Variants in CD2AP observed in about 807,000 individuals in gnomAD.
CD2AP encodes the protein CD2-associated protein.
CD2AP carries 46 observed loss-of-function variants against 85.1 expected under a neutral mutation model. The ratio of observed to expected loss-of-function variants is 0.54; its 90% CI spans 0.43 to 0.69. The LOEUF is 0.69. Among genes scored for constraint, CD2AP ranks in the 30% least tolerant of loss-of-function variants. CD2AP has a pLI of 0.00. For missense variants in CD2AP, 769 were observed against 729.5 expected, an observed-to-expected ratio of 1.05 and a Z score of -0.62; for synonymous variants, 255 against 252.9, an observed-to-expected ratio of 1.01 and a Z score of -0.08.
intron 2 of CD2AP, among the ~76,000 whole-genome samples, chr6:47,522,151 G>A (rs991681694): frequency 6.6e-5 from 10 of 152,206 alleles, no homozygotes; most frequent in African/African-American, 2.2e-4. Flanking sequence ...GGAGGCTGGG[G>A]AGGAGCAGGT....
intron 12 of CD2AP, among the ~76,000 whole-genome samples, chr6:47,597,243 AAGC>A (rs1445404893): frequency 1.3e-5 from 2 of 150,874 alleles, no homozygotes; most frequent in African/African-American, 4.8e-5. Context: ...ATCATGGAGA[AAGC>A]AGCAGACGAA....
intron 17 of CD2AP, among the ~76,000 whole-genome samples, chr6:47,615,867 C>T (rs1769569682): frequency 6.7e-6 from 1 of 150,320 alleles, no homozygotes; most frequent in Admixed American, 6.7e-5. Flanking sequence ...GCAAGCTCCA[C>T]CTCCTGAGTT....
chr6:47,586,780 G>T, intron 11 of CD2AP, among the ~76,000 whole-genome samples: 1 of 152,196 alleles, frequency 6.6e-6, no homozygotes, highest in Non-Finnish European at 1.5e-5. Context: ...AATAGATATA[G>T]AAGACATTTT....
At chr6:47,589,379 T>TATACACACACACACACACAAAC (rs144886557) in intron 11 of CD2AP, among the ~76,000 whole-genome samples, 1 of 139,386 alleles carries the variant, frequency 7.2e-6, no homozygotes, top group Non-Finnish European at 1.6e-5. Context: ...CTCTTGAATA[T>TATACACACACACACACACAAAC]ACACACACAC....
intron 5 of CD2AP, among the ~76,000 whole-genome samples, chr6:47,565,615 T>A (rs945353693): frequency 6.6e-6 from 1 of 152,118 alleles, no homozygotes; most frequent in Non-Finnish European, 1.5e-5. Context: ...CCATCTGAGT[T>A]AAGGAGAAAT....
At position 47,522,961 on chromosome 6, in the gene CD2AP, C is replaced by A. The variant is rs563601117; in HGVS notation, c.166-10641C>A. Among the ~76,000 whole-genome samples, 37 of 151,760 alleles carry A rather than the reference C, an allele frequency of 2.4e-4. No individual in the cohort carries two copies. In the South Asian group the frequency reaches 7.7e-3, roughly 32 times the overall value. ...AGTCTCATTGATTTAGAAAAAAATT[C>A]TTTTTTTAGAAGGATGCTGATTTAG... On this transcript the variant is annotated intron_variant, in intron 2 of 17. Coordinates refer to ENST00000359314, the MANE Select transcript of CD2AP (RefSeq NM_012120.3).
chr6:47,559,199 A>G (rs1445459721), intron 5 of CD2AP, among the ~76,000 whole-genome samples: 2 of 146,450 alleles, frequency 1.4e-5, no homozygotes, highest in Non-Finnish European at 3.0e-5. Flanking sequence ...ATCCATGTCT[A>G]TTTGATTCTT....
At chr6:47,532,391 A>G (rs1766909417) in intron 2 of CD2AP, among the ~76,000 whole-genome samples, 1 of 25,366 alleles carries the variant, frequency 3.9e-5, no homozygotes, top group African/African-American at 1.1e-4. Context: ...ACACACACAC[A>G]CACACACACA....
At chr6:47,537,665 A>G (rs1022043956) in intron 3 of CD2AP, among the ~76,000 whole-genome samples, 1 of 152,162 alleles carries the variant, frequency 6.6e-6, no homozygotes, top group Non-Finnish European at 1.5e-5. Flanking sequence ...CATGATAGTG[A>G]TAATGAAGAT....
intron 2 of CD2AP, among the ~76,000 whole-genome samples, chr6:47,523,014 A>C (rs948965218): frequency 6.6e-6 from 1 of 152,022 alleles, no homozygotes; most frequent in Non-Finnish European, 1.5e-5. Context: ...TCCAGTTTTC[A>C]TAAGAAGAAA....
intron 2 of CD2AP, among the ~76,000 whole-genome samples, chr6:47,515,590 C>T (rs1441021985): frequency 6.6e-6 from 1 of 152,098 alleles, no homozygotes; most frequent in African/African-American, 2.4e-5. Context: ...TGCCAGGGCT[C>T]TTTTTAGATG....
chr6:47,555,681 A>G (rs1767663030), intron 5 of CD2AP, among the ~76,000 whole-genome samples: 1 of 152,162 alleles, frequency 6.6e-6, no homozygotes, highest in Admixed American at 6.5e-5. Flanking sequence ...TGCTACACTT[A>G]TATGTTTTAA....
intron 5 of CD2AP, among the ~76,000 whole-genome samples, chr6:47,566,842 A>G (rs1768017516): frequency 3.3e-5 from 5 of 152,040 alleles, no homozygotes; most frequent in South Asian, 4.1e-4. Flanking sequence ...TATGTACCAC[A>G]TTTTCTTTAT....
chr6:47,532,061 G>C lies in CD2AP; in HGVS notation c.166-1541G>C, dbSNP rs376672565. 4.8e-5 allele frequency among the ~76,000 whole-genome samples: 7 copies of C among 146,776 alleles called. No individual in the cohort carries two copies. The East Asian group carries it at 1.2e-3, about 25-fold the overall frequency. ...TGCACTCCAGCCTGGGCAACAGAGT[G>C]AGACTCCTTCTCAAAAAAAAAAAGA... On this transcript the variant is annotated intron_variant, in intron 2 of 17. Transcript: ENST00000359314.
At chr6:47,504,448 G>A (rs916683687) in intron 2 of CD2AP, among the ~76,000 whole-genome samples, 1 of 152,146 alleles carries the variant, frequency 6.6e-6, no homozygotes, top group Non-Finnish European at 1.5e-5. Context: ...GAAACACCGT[G>A]GATACCAAAA....
intron 2 of CD2AP, among the ~76,000 whole-genome samples, chr6:47,522,362 C>T (rs949155113): frequency 6.6e-6 from 1 of 152,158 alleles, no homozygotes; most frequent in African/African-American, 2.4e-5. Flanking sequence ...AACAGTGAAG[C>T]AGTTTGTTTT....
Position 47,533,593 on chromosome 6 carries a change from C to T in CD2AP, c.166-9C>T. 6.2e-7 allele frequency: 1 copy of T among 1,612,624 alleles called. No homozygotes were observed. The highest frequency in any genetic ancestry group is 1.1e-5 in the South Asian group (1 of 90,816). The stretch of plus-strand genomic sequence containing the variant: ...TAACTTGCCTCTTTATTTATTTTCC[C>T]TTTTGTAGGAAATTAAAAGAGAGAC... On this transcript the variant is annotated splice_polypyrimidine_tract_variant and intron_variant, in intron 2 of 17. Transcript: ENST00000359314.
chr6:47,519,762 C>G (rs748340899), intron 2 of CD2AP, among the ~76,000 whole-genome samples: 1 of 152,082 alleles, frequency 6.6e-6, no homozygotes, highest in South Asian at 2.1e-4. Flanking sequence ...AATTAGTCAA[C>G]AAATTTTTTT....
intron 1 of CD2AP, among the ~76,000 whole-genome samples, chr6:47,487,016 A>G (rs1765580198): frequency 6.6e-6 from 1 of 152,180 alleles, no homozygotes; most frequent in Admixed American, 6.5e-5. Context: ...CCTGAGATCC[A>G]AGTTTTGCAT....
Sources: allele counts gnomAD v4.1 joint callset (sites outside exome capture counted in the v4.1 genomes callset), GRCh38; gene constraint gnomAD v4.1.1; transcripts MANE v1.5; gene names NCBI Gene and HGNC (gene_info 2026-07-23, HGNC 2026-07-21).